ARHGAP12: variants seen among roughly 807,000 people sequenced by gnomAD.
ARHGAP12 encodes the protein rho GTPase-activating protein 12.
In ARHGAP12, 64 loss-of-function variants were observed where a neutral mutation model predicts 108.6. The observed-to-expected ratio is 0.59, with a 90% CI of 0.48 to 0.73. The LOEUF (loss-of-function observed/expected upper bound fraction) is 0.73, where lower values mean the gene tolerates loss of function less well. Ranked by LOEUF, ARHGAP12 falls within the 30% of genes least tolerant of loss-of-function variation. The probability of loss-of-function intolerance (pLI) is 0.00; values close to 1 mark genes in which losing one functional copy is unlikely to be tolerated. For synonymous variants in ARHGAP12, 312 were observed against 337.2 expected, an observed-to-expected ratio of 0.93 and a Z score of 0.82; for missense variants, 940 against 1,005.9, an observed-to-expected ratio of 0.93 and a Z score of 0.89.
At chr10:31,861,239 T>C (rs1837101021) in intron 4 of ARHGAP12, among the ~76,000 whole-genome samples, 156 bp downstream of exon 4, 1 of 152,244 alleles carries the variant, frequency 6.6e-6, no homozygotes, top group Non-Finnish European at 1.5e-5. Context: ...CTAGCATTAA[T>C]ATTTTAGTAA....
intron 6 of ARHGAP12, among the ~76,000 whole-genome samples, chr10:31,846,182 G>GA (rs1184378810): frequency 6.6e-6 from 1 of 152,096 alleles, no homozygotes; most frequent in Non-Finnish European, 1.5e-5. Context: ...CACTCTTTAT[G>GA]AAACAGTTGT....
At chr10:31,893,125 C>T (rs1231528236) in intron 3 of ARHGAP12, among the ~76,000 whole-genome samples, 1 of 152,186 alleles carries the variant, frequency 6.6e-6, no homozygotes, top group Non-Finnish European at 1.5e-5. Context: ...ATTTATAGCA[C>T]TAAATGCCCA....
intron 3 of ARHGAP12, among the ~76,000 whole-genome samples, chr10:31,899,966 T>C (rs1226654020): frequency 1.3e-5 from 2 of 152,146 alleles, no homozygotes; most frequent in African/African-American, 4.8e-5. Context: ...TTGTAAAACA[T>C]ACATCTGATT....
At chr10:31,882,833 A>C (rs1048514848) in intron 3 of ARHGAP12, among the ~76,000 whole-genome samples, 8 of 151,738 alleles carry the variant, frequency 5.3e-5, no homozygotes, top group Middle Eastern at 3.4e-3. Context: ...AAAAAAAAAA[A>C]AAAACAGAAA....
chr10:31,902,877 C>G (rs960633304), intron 3 of ARHGAP12, among the ~76,000 whole-genome samples: 10 of 152,048 alleles, frequency 6.6e-5, no homozygotes, highest in African/African-American at 2.4e-4. Context: ...GAAATTAACA[C>G]TTTTAAATGT....
intron 3 of ARHGAP12, among the ~76,000 whole-genome samples, chr10:31,894,986 C>G (rs1838618651): frequency 6.6e-6 from 1 of 152,122 alleles, no homozygotes; most frequent in Non-Finnish European, 1.5e-5. Context: ...CTGACAAAAA[C>G]AAGAAAAGGG....
At chr10:31,902,365 C>T (rs577164703) in intron 3 of ARHGAP12, among the ~76,000 whole-genome samples, 7 of 150,932 alleles carry the variant, frequency 4.6e-5, no homozygotes, top group African/African-American at 1.5e-4. Flanking sequence ...CTAAGGCTCA[C>T]ACCTTATATA....
intron 3 of ARHGAP12, among the ~76,000 whole-genome samples, chr10:31,883,757 G>A (rs796944471): frequency 4.0e-5 from 6 of 151,130 alleles, no homozygotes; most frequent in African/African-American, 1.5e-4. Flanking sequence ...TGTCACCCAG[G>A]CTGGAGTTCA....
intron 3 of ARHGAP12, among the ~76,000 whole-genome samples, chr10:31,873,626 C>T (rs1564403480): frequency 6.6e-6 from 1 of 152,174 alleles, no homozygotes; most frequent in Admixed American, 6.5e-5. Flanking sequence ...TATCATTACA[C>T]ATTCTCAAAG....
In ARHGAP12 at chr10:31,843,501, T is replaced by C. The variant is rs1836342175; in HGVS notation, c.1256A>G (p.Lys419Arg). ...CAATACAATGGTGCTATGTCTCCAC[T>C]TTGTTAATACTATTGGTTCTTGCAG... Reference protein sequence around the residue: ...RRLQEPIVLTKWRHSTIVLDT... With the variant: ...RRLQEPIVLTRWRHSTIVLDT... The change falls in exon 7 of 20, where the codon AAG (lysine) becomes AGG (arginine). Residue 419 changes from lysine (K) to arginine (R), a missense_variant. Lys to Arg is a conservative substitution (Grantham distance 26). Transcript: ENST00000344936. 1 of 1,613,196 alleles carries C rather than the reference T, an allele frequency of 6.2e-7. No individual in the cohort carries two copies. Among genetic ancestry groups the C allele is most frequent in the Non-Finnish European group, 8.5e-7 (1 of 1,179,606 alleles).
At chr10:31,835,337 T>C (rs1835978315) in intron 9 of ARHGAP12, among the ~76,000 whole-genome samples, 1 of 152,166 alleles carries the variant, frequency 6.6e-6, no homozygotes, top group African/African-American at 2.4e-5. Context: ...AAAAAATATC[T>C]TAAGTCCCAT....
At chr10:31,865,477 AG>A (rs1249660499) in intron 3 of ARHGAP12, among the ~76,000 whole-genome samples, 1 of 152,076 alleles carries the variant, frequency 6.6e-6, no homozygotes, top group African/African-American at 2.4e-5. Context: ...GGCAAACAGG[AG>A]TTACATTTAG....
chr10:31,840,640 A>G (rs1356418464), intron 7 of ARHGAP12, among the ~76,000 whole-genome samples: 1 of 152,140 alleles, frequency 6.6e-6, no homozygotes, highest in East Asian at 1.9e-4. Flanking sequence ...CTAGTTTTCT[A>G]TGTCTATAAA....
chr10:31,814,836 A>T (rs1026030086), intron 13 of ARHGAP12, among the ~76,000 whole-genome samples: 1 of 152,056 alleles, frequency 6.6e-6, no homozygotes, highest in Non-Finnish European at 1.5e-5. Context: ...TAGAGCGGCC[A>T]GGCGTGGTGG....
At chr10:31,923,633 G>A (rs1839912475) in intron 1 of ARHGAP12, among the ~76,000 whole-genome samples, 1 of 152,168 alleles carries the variant, frequency 6.6e-6, no homozygotes, top group Non-Finnish European at 1.5e-5. Context: ...ACAGCAAACT[G>A]GGTGAATCTC....
intron 4 of ARHGAP12, among the ~76,000 whole-genome samples, chr10:31,856,423 G>A (rs912915042): frequency 2.0e-5 from 3 of 152,084 alleles, no homozygotes; most frequent in African/African-American, 4.8e-5. Flanking sequence ...AGCTGGAAAC[G>A]CCAAAGAATT....
At chr10:31,820,907 T>C (rs565716251) in intron 11 of ARHGAP12, among the ~76,000 whole-genome samples, 7 of 152,036 alleles carry the variant, frequency 4.6e-5, no homozygotes, top group Admixed American at 6.5e-5. Flanking sequence ...TACAAATGCA[T>C]GTATACTTTG....
chr10:31,819,976 T>A (rs902496434), intron 12 of ARHGAP12, among the ~76,000 whole-genome samples: 3 of 152,012 alleles, frequency 2.0e-5, no homozygotes, highest in Admixed American at 2.0e-4. Context: ...AAGGCCTTTA[T>A]TTTTTAGACC....
chr10:31,899,915 C>G (rs1292455545), intron 3 of ARHGAP12, among the ~76,000 whole-genome samples: 1 of 152,028 alleles, frequency 6.6e-6, no homozygotes, highest in Non-Finnish European at 1.5e-5. Context: ...ACAAAAGTCA[C>G]TGTTAAGAGA....
Sources: allele counts gnomAD v4.1 joint callset (sites outside exome capture counted in the v4.1 genomes callset), GRCh38; gene constraint gnomAD v4.1.1; transcripts MANE v1.5; gene names NCBI Gene and HGNC (gene_info 2026-07-23, HGNC 2026-07-21).